The following AP4S1 variants were observed in gnomAD, a reference collection of about 807,000 sequenced individuals.
AP4S1 encodes the protein adaptor related protein complex 4 subunit sigma 1.
A neutral mutation model predicts 19.8 loss-of-function variants in AP4S1; 23 were observed. That is an observed-to-expected ratio of 1.16 (90% CI 0.84 to 1.65). The LOEUF is 1.65. Among genes scored for constraint, AP4S1 ranks in the 40% most tolerant of loss-of-function variants. AP4S1 has a pLI of 0.00. For missense variants in AP4S1, 166 were observed against 172.8 expected, an observed-to-expected ratio of 0.96 and a Z score of 0.22; for synonymous variants, 46 against 54.1, an observed-to-expected ratio of 0.85 and a Z score of 0.66.
At chr14:31,073,446 C>T (rs28465500) in intron 4 of AP4S1, among the ~76,000 whole-genome samples, 100,852 of 137,018 alleles carry the variant, frequency 0.74, 37,471 homozygotes, top group South Asian at 0.77. Context: ...GCCGAGATCC[C>T]GCCACTGCAC....
At chr14:31,039,739 C>T (rs887674579) in intron 1 of AP4S1, among the ~76,000 whole-genome samples, 4 of 151,104 alleles carry the variant, frequency 2.6e-5, no homozygotes, top group East Asian at 2.0e-4. Context: ...TACAGGCGCG[C>T]GCCACCATGC....
chr14:31,063,076 C>T (rs1886528421), intron 1 of AP4S1, among the ~76,000 whole-genome samples: 1 of 151,926 alleles, frequency 6.6e-6, no homozygotes, highest in Middle Eastern at 3.2e-3. Flanking sequence ...CAGGAGGACC[C>T]CTTGAGGCCA....
At chr14:31,079,745 GA>G (rs1887541460) in intron 4 of AP4S1, among the ~76,000 whole-genome samples, 1 of 152,110 alleles carries the variant, frequency 6.6e-6, no homozygotes, top group Non-Finnish European at 1.5e-5. Flanking sequence ...AGGATCGCTT[GA>G]ACCCAGGAAG....
intron 4 of AP4S1, among the ~76,000 whole-genome samples, chr14:31,079,258 C>T (rs1310419843): frequency 2.0e-5 from 3 of 151,914 alleles, no homozygotes; most frequent in Non-Finnish European, 4.4e-5. Context: ...ATTTTATTTA[C>T]AAAATTTTAA....
chr14:31,085,067 TG>T (rs1265003911), intron 5 of AP4S1: 6 of 1,425,534 alleles, frequency 4.2e-6, no homozygotes, highest in Admixed American at 2.8e-5. Flanking sequence ...GCAGCAGTAC[TG>T]CCTTCAGGCC....
At position 31,054,299 on chromosome 14, in the gene AP4S1, G is replaced by A. The variant is rs1396763670; in HGVS notation, c.-71-11827G>A. On this transcript the variant is annotated intron_variant, in intron 1 of 5. Coordinates refer to ENST00000542754, the MANE Select transcript of AP4S1 (RefSeq NM_001128126.3). ...TAGTATAAAATAAAATATCTGTGAG[G>A]CCATACTTACATAAATAATAATTGA... 2.6e-5 allele frequency among the ~76,000 whole-genome samples: 4 copies of A among 152,260 alleles called. No homozygotes were observed. The East Asian group carries it at 5.8e-4, about 22-fold the overall frequency.
In AP4S1 at chr14:31,094,641, C is replaced by T. The variant is rs8004286; in HGVS notation, c.*1606C>T. 0.27 allele frequency: 41,364 copies of T among 151,720 alleles called. 5,777 individuals carry two copies. The highest frequency in any genetic ancestry group is 0.31 in the Admixed American group (4,658 of 15,228). 9.4% of individuals were successfully genotyped at this position (151,720 alleles called of 1,614,324 possible). Reference sequence around the variant, plus strand: ...CGGTGGCTCAGGCCTGTAATCCCAACATTTTGGGGGGCCAAGCCAGGAGGA... The same window carrying T: ...CGGTGGCTCAGGCCTGTAATCCCAATATTTTGGGGGGCCAAGCCAGGAGGA... On this transcript the variant is annotated 3_prime_UTR_variant, in exon 6 of 6. Transcript: ENST00000542754.
chr14:31,059,640 C>T (rs1404149750), intron 1 of AP4S1, among the ~76,000 whole-genome samples: 1 of 152,072 alleles, frequency 6.6e-6, no homozygotes, highest in Non-Finnish European at 1.5e-5. Flanking sequence ...ATTTGTGAGG[C>T]AAATAAAAGC....
intron 5 of AP4S1, chr14:31,085,115 A>G: frequency 7.4e-7 from 1 of 1,342,444 alleles, no homozygotes; most frequent in South Asian, 1.8e-5. Context: ...TGTGCTCTAG[A>G]AGGCCCATTC....
intron 4 of AP4S1, chr14:31,073,313 A>G (rs1222804488): frequency 1.1e-4 from 25 of 230,592 alleles, no homozygotes; most frequent in Admixed American, 9.7e-4. Context: ...ATACGGTGAA[A>G]CCCCGTCTCT....
At chr14:31,034,221 G>T (rs1370011945) in intron 1 of AP4S1, among the ~76,000 whole-genome samples, 1 of 152,012 alleles carries the variant, frequency 6.6e-6, no homozygotes, top group Non-Finnish European at 1.5e-5. Flanking sequence ...TGTTAAATTG[G>T]CAAAAAGTCA....
chr14:31,085,417 AAT>A, intron 5 of AP4S1: 1 of 987,336 alleles, frequency 1.0e-6, no homozygotes, highest in Non-Finnish European at 1.2e-6. Flanking sequence ...GTGAGGCACA[AAT>A]ATAGGCTAGA....
At chr14:31,049,568 C>T (rs940104996) in intron 1 of AP4S1, among the ~76,000 whole-genome samples, 2 of 146,746 alleles carry the variant, frequency 1.4e-5, no homozygotes, top group Admixed American at 1.4e-4. Flanking sequence ...AATATTTAAA[C>T]AGTATAACCA....
At chr14:31,036,228 C>A in intron 1 of AP4S1, among the ~76,000 whole-genome samples, 1 of 150,782 alleles carries the variant, frequency 6.6e-6, no homozygotes, top group African/African-American at 2.4e-5. Context: ...AATAGATAAC[C>A]AAAAAATAAA....
At chr14:31,049,003 C>A (rs1885577462) in intron 1 of AP4S1, among the ~76,000 whole-genome samples, 1 of 152,048 alleles carries the variant, frequency 6.6e-6, no homozygotes, top group African/African-American at 2.4e-5. Context: ...CCTGTAATCC[C>A]AGCACTTTGG....
At chr14:31,057,760 T>C (rs1886201825) in intron 1 of AP4S1, among the ~76,000 whole-genome samples, 1 of 151,974 alleles carries the variant, frequency 6.6e-6, no homozygotes, top group Admixed American at 6.6e-5. Context: ...CAAGTAGCTA[T>C]GATTACAGGC....
intron 1 of AP4S1, among the ~76,000 whole-genome samples, chr14:31,035,843 C>T (rs143770426): frequency 0.011 from 1,407 of 133,158 alleles, 25 homozygotes; most frequent in African/African-American, 0.037. Flanking sequence ...CATTCTCCTG[C>T]CTCAGCCTTC....
intron 1 of AP4S1, among the ~76,000 whole-genome samples, chr14:31,029,454 T>G (rs751748582): frequency 1.4e-4 from 21 of 152,220 alleles, no homozygotes; most frequent in Non-Finnish European, 1.9e-4. Context: ...TGTTTTTGGT[T>G]CCTCAAATGT....
chr14:31,062,988 T>C (rs976899666), intron 1 of AP4S1, among the ~76,000 whole-genome samples: 4 of 147,824 alleles, frequency 2.7e-5, no homozygotes, highest in African/African-American at 1.0e-4. Context: ...AAAAAATCAC[T>C]AGGAATTTAT....
Sources: allele counts gnomAD v4.1 joint callset (sites outside exome capture counted in the v4.1 genomes callset), GRCh38; gene constraint gnomAD v4.1.1; transcripts MANE v1.5; gene names NCBI Gene and HGNC (gene_info 2026-07-23, HGNC 2026-07-21).